SHANK2: variants seen among roughly 807,000 people sequenced by gnomAD.
SHANK2 encodes SH3 and multiple ankyrin repeat domains protein 2.
In SHANK2, 43 loss-of-function variants were observed where a neutral mutation model predicts 133.7. The ratio of observed to expected loss-of-function variants is 0.32; its 90% CI spans 0.25 to 0.41. The LOEUF (loss-of-function observed/expected upper bound fraction) is 0.41. Ranked by LOEUF, SHANK2 falls within the 10% of genes least tolerant of loss-of-function variation. The probability of loss-of-function intolerance (pLI) is 1.00; values close to 1 mark genes in which losing one functional copy is unlikely to be tolerated. For missense variants in SHANK2, 1,994 were observed against 2,235.8 expected (o/e 0.89, Z 2.18); for synonymous variants, 1,017 against 952.8 (o/e 1.07, Z -1.24).
chr11:71,248,536 G>A (rs71473818), intron 1 of SHANK2, among the ~76,000 whole-genome samples: 99 of 152,324 alleles, frequency 6.5e-4, no homozygotes, highest in Non-Finnish European at 1.2e-3. Flanking sequence ...AATGGGAATC[G>A]TAATGAATCG....
At chr11:70,475,760 G>T (rs2058654989) in intron 25 of SHANK2, among the ~76,000 whole-genome samples, 1 of 152,176 alleles carries the variant, frequency 6.6e-6, no homozygotes, top group African/African-American at 2.4e-5. Context: ...CAGAGGGCTG[G>T]GTGCCCCTGA....
At chr11:70,821,900 C>T (rs964594085) in intron 11 of SHANK2, among the ~76,000 whole-genome samples, 2 of 152,186 alleles carry the variant, frequency 1.3e-5, no homozygotes, top group East Asian at 3.9e-4. Context: ...CCTTATCTGG[C>T]ATCCTACAAA....
chr11:70,754,861 G>T (rs1164202186), intron 14 of SHANK2, among the ~76,000 whole-genome samples: 1 of 152,176 alleles, frequency 6.6e-6, no homozygotes, highest in Non-Finnish European at 1.5e-5. Context: ...GAGCTGGGAA[G>T]TGCTGCTTCA....
At chr11:70,758,113 T>C (rs1946912073) in intron 14 of SHANK2, among the ~76,000 whole-genome samples, 1 of 152,200 alleles carries the variant, frequency 6.6e-6, no homozygotes, top group South Asian at 2.1e-4. Flanking sequence ...ACTAAAATGC[T>C]AATTAGGCAA....
intron 10 of SHANK2, among the ~76,000 whole-genome samples, chr11:70,949,248 G>T (rs782224657): frequency 9.2e-5 from 14 of 152,202 alleles, no homozygotes; most frequent in Non-Finnish European, 1.6e-4. Context: ...CCTCAGTACC[G>T]CCCCTCCCGG....
chr11:70,660,565 C>T (rs2061470414), intron 16 of SHANK2, among the ~76,000 whole-genome samples: 1 of 151,866 alleles, frequency 6.6e-6, no homozygotes, highest in Non-Finnish European at 1.5e-5. Flanking sequence ...CACAGTGAGG[C>T]TTGGCTTCTG....
intron 17 of SHANK2, among the ~76,000 whole-genome samples, chr11:70,609,509 G>A (rs189716420): frequency 3.9e-4 from 59 of 152,272 alleles, no homozygotes; most frequent in African/African-American, 1.4e-3. Context: ...AGCCATGCTC[G>A]GAGCAGCCCC....
intron 17 of SHANK2, among the ~76,000 whole-genome samples, chr11:70,601,219 T>TA (rs1405307887): frequency 1.2e-4 from 1 of 8,284 alleles, no homozygotes; most frequent in Admixed American, 1.9e-3. Flanking sequence ...GCCCAGCTAA[T>TA]TTTTTTTTTT....
At position 70,558,043 on chromosome 11, in the gene SHANK2, G is replaced by A. The variant is rs187482988; in HGVS notation, c.2062-55112C>T. Among the ~76,000 whole-genome samples the A allele has an allele frequency of 2.5e-3, 382 of 152,360 alleles. 4 individuals are homozygous for A. The highest frequency in any genetic ancestry group is 9.0e-3 in the African/African-American group (373 of 41,588). The stretch of plus-strand genomic sequence containing the variant: ...GAGCAAGGAAATGCCAGGGGAGAAG[G>A]GAGAGGAGGCGAGACCGTGAGGGGG... On this transcript the variant is annotated intron_variant, in intron 17 of 25. Transcript: ENST00000601538.
chr11:70,834,239 C>G (rs1314280373), intron 11 of SHANK2, among the ~76,000 whole-genome samples: 7 of 151,972 alleles, frequency 4.6e-5, no homozygotes, highest in African/African-American at 1.5e-4. Flanking sequence ...GGAGGTGGCT[C>G]TAACTCTGGT....
intron 3 of SHANK2, among the ~76,000 whole-genome samples, chr11:71,128,005 C>T (rs1193769350): frequency 6.6e-6 from 1 of 152,200 alleles, no homozygotes; most frequent in Non-Finnish European, 1.5e-5. Flanking sequence ...CCACCGGGGC[C>T]GAGGTCTCAC....
At chr11:70,924,329 C>G (rs560344350) in intron 10 of SHANK2, among the ~76,000 whole-genome samples, 1 of 90,274 alleles carries the variant, frequency 1.1e-5, no homozygotes, top group African/African-American at 4.5e-5. Flanking sequence ...CCCAGTCTCA[C>G]CTGGGACACG....
intron 15 of SHANK2, among the ~76,000 whole-genome samples, chr11:70,676,827 C>T (rs1305170559): frequency 2.6e-5 from 4 of 152,098 alleles, no homozygotes; most frequent in African/African-American, 9.7e-5. Flanking sequence ...TCATGAGCCC[C>T]AGTGACACAG....
chr11:71,237,443 T>C (rs1188361699), intron 1 of SHANK2, among the ~76,000 whole-genome samples: 4 of 152,210 alleles, frequency 2.6e-5, no homozygotes, highest in Non-Finnish European at 5.9e-5. Flanking sequence ...ACATATTTAC[T>C]ATCCAGCCCT....
intron 14 of SHANK2, among the ~76,000 whole-genome samples, chr11:70,744,856 C>T (rs533734740): frequency 8.6e-4 from 131 of 152,352 alleles, no homozygotes; most frequent in South Asian, 2.1e-3. Flanking sequence ...CACAGGCCAC[C>T]TCTTGAGCGA....
At chr11:70,880,342 G>A (rs1295710363) in intron 11 of SHANK2, among the ~76,000 whole-genome samples, 1 of 152,228 alleles carries the variant, frequency 6.6e-6, no homozygotes, top group Non-Finnish European at 1.5e-5. Flanking sequence ...CCGGGCTTCG[G>A]GGGCTGCTGG....
chr11:70,755,843 A>T (rs1946859988), intron 14 of SHANK2, among the ~76,000 whole-genome samples: 1 of 152,218 alleles, frequency 6.6e-6, no homozygotes, highest in African/African-American at 2.4e-5. Flanking sequence ...GGGCCATCGT[A>T]GGGCCACTTT....
intron 8 of SHANK2, among the ~76,000 whole-genome samples, chr11:71,089,433 A>AAGCG (rs1478103532): frequency 4.6e-5 from 7 of 151,962 alleles, no homozygotes; most frequent in East Asian, 3.9e-4. Context: ...CTGTATGTAC[A>AAGCG]TGCGTGCGTG....
intron 10 of SHANK2, among the ~76,000 whole-genome samples, chr11:70,938,476 G>A (rs574981627): frequency 1.1e-4 from 16 of 152,302 alleles, no homozygotes; most frequent in African/African-American, 1.4e-4. Context: ...AACAAAAGAC[G>A]GGAGGCACAG....
Sources: allele counts gnomAD v4.1 joint callset (sites outside exome capture counted in the v4.1 genomes callset), GRCh38; gene constraint gnomAD v4.1.1; transcripts MANE v1.5; gene names NCBI Gene and HGNC (gene_info 2026-07-23, HGNC 2026-07-21).